The following GALNTL5 variants were observed in gnomAD, a reference collection of about 807,000 sequenced individuals.
The protein encoded by GALNTL5 is polypeptide N-acetylgalactosaminyltransferase like 5.
In GALNTL5, 44 loss-of-function variants were observed where a neutral mutation model predicts 51.0. The ratio of observed to expected loss-of-function variants is 0.86; its 90% CI spans 0.68 to 1.11. The LOEUF is 1.11. Ranked by LOEUF, GALNTL5 falls within the 50% of genes least tolerant of loss-of-function variation. GALNTL5 has a pLI of 0.00. For missense variants in GALNTL5, 528 were observed against 531.8 expected, an observed-to-expected ratio of 0.99 and a Z score of 0.07; for synonymous variants, 192 against 182.8, an observed-to-expected ratio of 1.05 and a Z score of -0.41.
chr7:152,018,191 T>C (rs899299618), intron 8 of GALNTL5, among the ~76,000 whole-genome samples: 3 of 152,212 alleles, frequency 2.0e-5, no homozygotes, highest in Non-Finnish European at 2.9e-5. Context: ...TTTTTGCAAA[T>C]ATATCTTTGG....
At chr7:151,989,466 T>G (rs892171243) in intron 5 of GALNTL5, among the ~76,000 whole-genome samples, 2 of 152,228 alleles carry the variant, frequency 1.3e-5, no homozygotes, top group Non-Finnish European at 1.5e-5. Context: ...ATGGATTTTA[T>G]AATTGATTTT....
At position 151,993,271 on chromosome 7, in the gene GALNTL5, CTTTG is replaced by C. The variant is rs1173842069; in HGVS notation, c.658+5996_658+5999del. Among the ~76,000 whole-genome samples, 9 of 148,234 alleles carry C rather than the reference CTTTG, an allele frequency of 6.1e-5. No individual in the cohort carries two copies. The East Asian group carries it at 1.6e-3, about 26-fold the overall frequency. On this transcript the variant is annotated intron_variant, in intron 5 of 8. Coordinates refer to ENST00000392800, the MANE Select transcript of GALNTL5 (RefSeq NM_145292.4). ...AAAAGGAAGATGCGTTTATGATTTT[CTTTG>C]TTTGTACTGTGTTCTTATACTTTTC...
chr7:151,999,058 C>T (rs1048219908), intron 5 of GALNTL5, among the ~76,000 whole-genome samples: 1 of 152,192 alleles, frequency 6.6e-6, no homozygotes, highest in Non-Finnish European at 1.5e-5. Context: ...TTCCTTCCCT[C>T]CAGTCTCTGG....
intron 5 of GALNTL5, among the ~76,000 whole-genome samples, chr7:151,988,097 C>T (rs545192722): frequency 1.3e-5 from 2 of 152,326 alleles, no homozygotes; most frequent in South Asian, 4.1e-4. Context: ...CCAGGGCTGC[C>T]CCAAGAGCCA....
At chr7:151,997,925 G>A (rs1369166287) in intron 5 of GALNTL5, among the ~76,000 whole-genome samples, 1 of 152,188 alleles carries the variant, frequency 6.6e-6, no homozygotes, top group African/African-American at 2.4e-5. Context: ...ACCATAGCCA[G>A]GTGTGGTGGC....
At chr7:151,986,533 A>G (rs1534662) in intron 4 of GALNTL5, among the ~76,000 whole-genome samples, 149,351 of 152,146 alleles carry the variant, frequency 0.98, 73,365 homozygotes, top group East Asian at 1. Context: ...TACTCAGGAC[A>G]TTGAGGCACG....
chr7:152,008,039 G>T (rs2081673423), intron 7 of GALNTL5, 95 bp downstream of exon 7: 2 of 743,964 alleles, frequency 2.7e-6, no homozygotes, highest in African/African-American at 1.8e-5. Context: ...TTTCCTACAT[G>T]AACATCCAGT....
chr7:151,993,765 G>T (rs74968678), intron 5 of GALNTL5, among the ~76,000 whole-genome samples: 2,733 of 151,968 alleles, frequency 0.018, 72 homozygotes, highest in African/African-American at 0.055. Flanking sequence ...ATTGCAAGCA[G>T]GAGTCACCAC....
At chr7:151,980,106 CAG>C (rs2081260341) in intron 3 of GALNTL5, among the ~76,000 whole-genome samples, 1 of 152,054 alleles carries the variant, frequency 6.6e-6, no homozygotes. Flanking sequence ...TTTTTTGAGA[CAG>C]AGTCTCAATC....
intron 8 of GALNTL5, among the ~76,000 whole-genome samples, chr7:152,015,997 A>T (rs772937959): frequency 6.2e-4 from 94 of 152,362 alleles, no homozygotes; most frequent in Non-Finnish European, 9.4e-4. Flanking sequence ...TGAAAAAAAC[A>T]CACTTTAATT....
chr7:151,998,912 G>A (rs775509319), intron 5 of GALNTL5, among the ~76,000 whole-genome samples: 21 of 151,724 alleles, frequency 1.4e-4, no homozygotes, highest in Admixed American at 5.9e-4. Flanking sequence ...ATTGAGGCAC[G>A]ATTAACATAA....
intron 8 of GALNTL5, among the ~76,000 whole-genome samples, chr7:152,016,443 G>A (rs1335296073): frequency 2.0e-5 from 3 of 151,568 alleles, no homozygotes; most frequent in Non-Finnish European, 4.4e-5. Flanking sequence ...GAGTGTCAGT[G>A]AGCAATAGGA....
At chr7:152,010,759 ACT>A (rs1202938731) in intron 7 of GALNTL5, among the ~76,000 whole-genome samples, 2 of 143,068 alleles carry the variant, frequency 1.4e-5, no homozygotes, top group African/African-American at 2.5e-5. Context: ...ACAGAGCGAG[ACT>A]CTGTCTCAAA....
intron 5 of GALNTL5, among the ~76,000 whole-genome samples, chr7:151,989,267 A>G (rs1010965858): frequency 7.9e-5 from 12 of 151,262 alleles, no homozygotes; most frequent in Non-Finnish European, 1.2e-4. Context: ...CTCCTGCCTC[A>G]GCCTCCCCCA....
chr7:151,994,150 C>A (rs900550941), intron 5 of GALNTL5, among the ~76,000 whole-genome samples: 1 of 152,200 alleles, frequency 6.6e-6, no homozygotes, highest in African/African-American at 2.4e-5. Context: ...GTTCCCTACA[C>A]CCCCAAGTGA....
chr7:151,987,924 A>C (rs58533459), intron 5 of GALNTL5, among the ~76,000 whole-genome samples: 47,837 of 151,868 alleles, frequency 0.31, 7,609 homozygotes, highest in South Asian at 0.44. Context: ...ACTTCCTCCC[A>C]ACCACCACCC....
Position 151,983,014 on chromosome 7 carries a change from C to T in GALNTL5, c.397C>T (p.Leu133Phe), listed in dbSNP as rs377411415. Residue 133 changes from leucine (L) to phenylalanine (F), a missense_variant, in exon 4 of 9, where the codon CTC becomes TTC. Coordinates refer to ENST00000392800, the MANE Select transcript of GALNTL5 (RefSeq NM_145292.4). ...TCTTCAAAAACATTACCCAGCCCGC[C>T]TCCCGACTGCCAGCATTGTCATTTG... ...MCLQKHYPAR[L>F]PTASIVICFY... The T allele has an allele frequency of 1.1e-5, 18 of 1,614,180 alleles. No individual in the cohort carries two copies. The highest frequency in any genetic ancestry group is 6.7e-5 in the African/African-American group (5 of 75,050).
At chr7:152,008,145 G>A (rs1369331393) in intron 7 of GALNTL5, among the ~76,000 whole-genome samples, 1 of 151,996 alleles carries the variant, frequency 6.6e-6, no homozygotes, top group African/African-American at 2.4e-5. Context: ...CTGGTGTGGT[G>A]GCTCATGCCT....
At chr7:151,957,905 G>A in intron 1 of GALNTL5, 1 of 151,378 alleles carries the variant, frequency 6.6e-6, no homozygotes, top group African/African-American at 2.4e-5. Flanking sequence ...GGTTTTCTGT[G>A]TTTTGTGGGA....
Sources: gnomAD v4.1 joint callset for allele counts (sites outside exome capture counted in the v4.1 genomes callset) on GRCh38, gnomAD v4.1.1 for gene constraint, MANE v1.5 for transcripts, NCBI Gene and HGNC (gene_info 2026-07-23, HGNC 2026-07-21) for gene names.